Variants in TRPC6 observed in about 807,000 individuals in gnomAD.
TRPC6 encodes transient receptor potential cation channel subfamily C member 6.
Under a neutral mutation model 90.7 loss-of-function variants are expected in TRPC6, and 55 were observed. That is an observed-to-expected ratio of 0.61 (90% CI 0.49 to 0.76). The LOEUF is 0.76. Ranked by LOEUF, TRPC6 falls within the 30% of genes least tolerant of loss-of-function variation. The pLI is 0.00. For missense variants in TRPC6, 989 were observed against 1,122.7 expected (o/e 0.88, Z 1.70); for synonymous variants, 393 against 393.0 (o/e 1.00, Z 0.00).
chr11:101,561,066 C>A (rs534542141), intron 1 of TRPC6, among the ~76,000 whole-genome samples: 2 of 150,752 alleles, frequency 1.3e-5, no homozygotes, highest in African/African-American at 2.4e-5. Flanking sequence ...TCAGATACAT[C>A]TCTCTTTTCT....
chr11:101,570,003 C>G (rs1861923251), intron 1 of TRPC6, among the ~76,000 whole-genome samples: 1 of 151,764 alleles, frequency 6.6e-6, no homozygotes. Context: ...TAGCAGAAGA[C>G]AAGAAATAAG....
At chr11:101,527,895 A>G (rs1034520059) in intron 1 of TRPC6, among the ~76,000 whole-genome samples, 7 of 152,056 alleles carry the variant, frequency 4.6e-5, no homozygotes, top group African/African-American at 1.4e-4. Context: ...AACATGGTGT[A>G]ACCCTGTCTC....
intron 10 of TRPC6, among the ~76,000 whole-genome samples, chr11:101,468,050 C>T (rs986763808): frequency 2.0e-5 from 3 of 152,194 alleles, no homozygotes; most frequent in Non-Finnish European, 2.9e-5. Context: ...TGCAATGACC[C>T]TAATCTGCTG....
intron 10 of TRPC6, among the ~76,000 whole-genome samples, chr11:101,465,645 T>C (rs1288777866): frequency 6.6e-6 from 1 of 152,244 alleles, no homozygotes; most frequent in East Asian, 1.9e-4. Context: ...CATCAGGTCA[T>C]ATATGTTCTT....
intron 1 of TRPC6, among the ~76,000 whole-genome samples, chr11:101,507,414 G>T (rs1171348249): frequency 4.6e-5 from 7 of 150,634 alleles, no homozygotes; most frequent in African/African-American, 1.7e-4. Context: ...ATCTTCCTTT[G>T]GTATCATTCC....
chr11:101,468,813 T>TCTTACCTGATACATTGCCCTTTTCC (rs1432951728), intron 10 of TRPC6, among the ~76,000 whole-genome samples: 65 of 152,336 alleles, frequency 4.3e-4, no homozygotes, highest in African/African-American at 1.5e-3. Flanking sequence ...TGGATGCAGG[T>TCTTACCTGATACATTGCCCTTTTCC]CTTACCTGAT....
chr11:101,526,493 G>A (rs1393809538), intron 1 of TRPC6, among the ~76,000 whole-genome samples: 5 of 152,116 alleles, frequency 3.3e-5, no homozygotes, highest in African/African-American at 1.2e-4. Flanking sequence ...TTTCAGATGT[G>A]TTATTCCTAA....
At chr11:101,498,251 A>G (rs1019060134) in intron 2 of TRPC6, among the ~76,000 whole-genome samples, 1 of 152,246 alleles carries the variant, frequency 6.6e-6, no homozygotes, top group African/African-American at 2.4e-5. Flanking sequence ...TTTAAGCTTA[A>G]GATGGCTGAG....
intron 4 of TRPC6, among the ~76,000 whole-genome samples, chr11:101,484,237 C>A (rs7924551): frequency 0.36 from 54,420 of 151,988 alleles, 11,239 homozygotes; most frequent in African/African-American, 0.57. Context: ...AAGTGAAGTC[C>A]AGAAACTTGT....
intron 1 of TRPC6, among the ~76,000 whole-genome samples, chr11:101,546,333 A>AGAAGAAGAGAG (rs1331501249): frequency 1.1e-4 from 7 of 65,820 alleles, no homozygotes; most frequent in Non-Finnish European, 1.6e-4. Context: ...CGGCCTCCCA[A>AGAAGAAGAGAG]AGTGCTGGGA....
At chr11:101,535,996 TTGCTATG>T (rs67984160) in intron 1 of TRPC6, among the ~76,000 whole-genome samples, 11,600 of 152,258 alleles carry the variant, frequency 0.076, 594 homozygotes, top group Middle Eastern at 0.13. Context: ...TTAATCAGCA[TTGCTATG>T]TGCTAGGAAA....
In TRPC6 at chr11:101,453,713, T is replaced by A. The variant is rs1296640659; in HGVS notation, c.2581A>T (p.Arg861Trp). Residue 861 changes from arginine (R) to tryptophan (W), a missense_variant, in exon 12 of 13, where the codon AGG becomes TGG. Transcript: ENST00000344327. Reference protein sequence around the residue: ...PPRQYQKIMKRLIKRYVLQAQ... With the variant: ...PPRQYQKIMKWLIKRYVLQAQ... ...TGCAGTACATATCTTTTAATGAGCCTTTTCATTATTTTCTAGAAAACAGAG... is the reference window on the plus strand; with the variant it reads ...TGCAGTACATATCTTTTAATGAGCCATTTCATTATTTTCTAGAAAACAGAG... 1.2e-6 allele frequency: 2 copies of A among 1,613,212 alleles called. No homozygotes were observed. Among genetic ancestry groups the A allele is most frequent in the African/African-American group, 1.3e-5 (1 of 75,008 alleles).
intron 8 of TRPC6, 101 bp from the exon 9 acceptor site, chr11:101,471,487 C>A: frequency 8.4e-7 from 1 of 1,187,508 alleles, no homozygotes; most frequent in Non-Finnish European, 1.2e-6. Flanking sequence ...TGCCTATAAA[C>A]ACTCTCAGAC....
At position 101,461,006 on chromosome 11, in the gene TRPC6, C is replaced by T. The variant is rs533358953; in HGVS notation, c.2485-5905G>A. Among the ~76,000 whole-genome samples, 19 of 152,154 alleles carry T rather than the reference C, an allele frequency of 1.2e-4. No individual in the cohort carries two copies. In the South Asian group the frequency reaches 3.9e-3, roughly 32 times the overall value. ...GTCACCCCTTTCTTTTTCCTTTAAGCATTTCAATATTTAAAATACATAGAG... is the reference window on the plus strand; with the variant it reads ...GTCACCCCTTTCTTTTTCCTTTAAGTATTTCAATATTTAAAATACATAGAG... On this transcript the variant is annotated intron_variant, in intron 10 of 12. Transcript: ENST00000344327.
intron 10 of TRPC6, among the ~76,000 whole-genome samples, chr11:101,468,609 A>G (rs1027914945): frequency 2.0e-5 from 3 of 152,160 alleles, no homozygotes; most frequent in Non-Finnish European, 4.4e-5. Flanking sequence ...ACATGCCTGA[A>G]AAGTGGGTAT....
chr11:101,495,133 G>A (rs2136715124), intron 2 of TRPC6, among the ~76,000 whole-genome samples: 1 of 152,236 alleles, frequency 6.6e-6, no homozygotes, highest in South Asian at 2.1e-4. Context: ...AATCAAATAT[G>A]GGTGCTTGCC....
chr11:101,490,109 T>C (rs1859770811), intron 3 of TRPC6, among the ~76,000 whole-genome samples: 1 of 152,138 alleles, frequency 6.6e-6, no homozygotes, highest in Non-Finnish European at 1.5e-5. Flanking sequence ...GTAAAAGTCA[T>C]GCAAGTAAGC....
At chr11:101,555,289 C>G (rs1478352675) in intron 1 of TRPC6, among the ~76,000 whole-genome samples, 1 of 152,250 alleles carries the variant, frequency 6.6e-6, no homozygotes, top group African/African-American at 2.4e-5. Flanking sequence ...TTCTTCCGTT[C>G]CAAAGGCTGT....
rs199810047 is a variant in TRPC6, at chr11:101,455,098, C to T, written c.2488G>A (p.Gly830Arg). Residue 830 changes from glycine to arginine, a missense_variant, in exon 11 of 13, where the codon GGG becomes AGG. Coordinates refer to ENST00000344327, the MANE Select transcript of TRPC6 (RefSeq NM_004621.6). ...SKLSLDKKQV[G>R]HNKQPSIRSS... Reference sequence around the variant, plus strand: ...CTTATACTTGGTTGTTTATTGTGCCCAACCTGTAATTTGAAAAGATTTAGA... The same window carrying T: ...CTTATACTTGGTTGTTTATTGTGCCTAACCTGTAATTTGAAAAGATTTAGA... 25 of 1,611,102 alleles carry T rather than the reference C, an allele frequency of 1.6e-5. No individual in the cohort carries two copies. The Middle Eastern group carries it at 6.6e-4, about 43-fold the overall frequency.
Sources: allele counts gnomAD v4.1 joint callset (sites outside exome capture counted in the v4.1 genomes callset), GRCh38; gene constraint gnomAD v4.1.1; transcripts MANE v1.5; gene names NCBI Gene and HGNC (gene_info 2026-07-23, HGNC 2026-07-21).